The following PLA2R1 variants were observed in gnomAD, a reference collection of about 807,000 sequenced individuals.
The protein encoded by PLA2R1 is phospholipase A2 receptor 1.
In PLA2R1, 158 loss-of-function variants were observed where a neutral mutation model predicts 195.9. The observed-to-expected ratio is 0.81, with a 90% CI of 0.71 to 0.92. The LOEUF (loss-of-function observed/expected upper bound fraction) is 0.92. Ranked by LOEUF, PLA2R1 falls within the 40% of genes least tolerant of loss-of-function variation. The pLI is 0.00. For synonymous variants in PLA2R1, 586 were observed against 598.2 expected (o/e 0.98, Z 0.30); for missense variants, 1,626 against 1,764.6 (o/e 0.92, Z 1.41).
intron 11 of PLA2R1, 58 bp downstream of exon 11, chr2:160,005,594 G>C: frequency 1.4e-6 from 2 of 1,469,182 alleles, no homozygotes; most frequent in Middle Eastern, 1.9e-4. Context: ...CCAAGGGGTG[G>C]AAGGAATTTG....
At position 159,947,521 on chromosome 2, in the gene PLA2R1, T is replaced by C; in HGVS notation, c.3748A>G (p.Thr1250Ala). Residue 1250 changes from threonine to alanine, a missense_variant, in exon 26 of 30, where the codon ACA (threonine) becomes GCA (alanine). By Grantham distance (58) the Thr-to-Ala change is moderately conservative (BLOSUM62 0). Transcript: ENST00000283243. ...QSEHPELCSETSIPWIKFKSN... is the reference protein window; with the variant it reads ...QSEHPELCSEASIPWIKFKSN... The stretch of plus-strand genomic sequence containing the variant: ...TTAAATTTTATCCAGGGAATAGATG[T>C]TTCTGAGCACAACTCTGGGTGTTCA... 1.2e-6 allele frequency: 2 copies of C among 1,613,362 alleles called. No individual in the cohort carries two copies. Among genetic ancestry groups the C allele is most frequent in the Non-Finnish European group, 1.7e-6 (2 of 1,179,388 alleles).
chr2:160,044,924 A>T lies in PLA2R1; in HGVS notation c.343T>A (p.Trp115Arg). The T allele has an allele frequency of 1.2e-6, 2 of 1,614,172 alleles. No individual in the cohort carries two copies. Among genetic ancestry groups the T allele is most frequent in the Middle Eastern group, 3.3e-4 (2 of 6,062 alleles). Residue 115 changes from tryptophan (W) to arginine (R), a missense_variant, in exon 2 of 30, where the codon TGG (tryptophan) becomes AGG (arginine). Physicochemically the swap from Trp to Arg is moderately radical, Grantham distance 101. Transcript: ENST00000283243. ...ECDSTLVSLR[W>R]RCNRKMITGP... is the part of the protein sequence containing the mutation. ...GTGATCATCTTCCTGTTACAGCGCC[A>T]CCGTAAGGAAACGAGGGTGGAGTCA...
chr2:160,037,901 T>C (rs1446417355), intron 3 of PLA2R1, among the ~76,000 whole-genome samples: 3 of 152,224 alleles, frequency 2.0e-5, no homozygotes, highest in Non-Finnish European at 4.4e-5. Flanking sequence ...TTAATTTGGG[T>C]ATTATACTTG....
intron 6 of PLA2R1, among the ~76,000 whole-genome samples, chr2:160,023,969 A>G (rs1256564845): frequency 6.6e-6 from 1 of 151,220 alleles, no homozygotes; most frequent in African/African-American, 2.4e-5. Flanking sequence ...AGGAAGAGCA[A>G]GGGGACCCTA....
chr2:160,040,865 G>A (rs1694480243), intron 3 of PLA2R1, among the ~76,000 whole-genome samples: 1 of 152,204 alleles, frequency 6.6e-6, no homozygotes, highest in African/African-American at 2.4e-5. Context: ...GGCTGCAATG[G>A]TTAACCCTTG....
chr2:160,020,173 T>C lies in PLA2R1; in HGVS notation c.1385A>G (p.Asn462Ser), dbSNP rs1233130667. The change falls in exon 8 of 30, where the codon AAT becomes AGT. Residue 462 changes from asparagine (N) to serine (S), a missense_variant. Transcript: ENST00000283243. The stretch of plus-strand genomic sequence containing the variant: ...AATGTGGGGCTCAAGTGTGTGCCAA[T>C]TAGTAAAGATGACTGAAGAGTCATT... ...WSNDSSVIFTNWHTLEPHIFP... is the reference protein window; with the variant it reads ...WSNDSSVIFTSWHTLEPHIFP... The C allele has an allele frequency of 1.9e-6, 3 of 1,613,470 alleles. No homozygotes were observed. Among genetic ancestry groups the C allele is most frequent in the Non-Finnish European group, 2.5e-6 (3 of 1,179,432 alleles).
At chr2:160,022,459 A>G (rs1401700354) in intron 7 of PLA2R1, among the ~76,000 whole-genome samples, 1 of 152,226 alleles carries the variant, frequency 6.6e-6, no homozygotes, top group Non-Finnish European at 1.5e-5. Flanking sequence ...TATATGTGGC[A>G]TATATGAAGA....
At chr2:159,957,316 A>G (rs1263123760) in intron 20 of PLA2R1, among the ~76,000 whole-genome samples, 1 of 152,128 alleles carries the variant, frequency 6.6e-6, no homozygotes, top group African/African-American at 2.4e-5. Flanking sequence ...TATGCAAGAG[A>G]GAATCATGTC....
At chr2:159,926,887 C>A in the PLA2R1 span, among the ~76,000 whole-genome samples, 11 of 152,204 alleles carry the variant, frequency 7.2e-5, no homozygotes, top group African/African-American at 2.6e-4. Context: ...AGCAGGTGAC[C>A]AGCACTGCGT....
intron 1 of PLA2R1, among the ~76,000 whole-genome samples, chr2:160,049,848 CAAAT>C (rs1695113043): frequency 6.6e-6 from 1 of 151,902 alleles, no homozygotes; most frequent in African/African-American, 2.4e-5. Flanking sequence ...CAAAAAACAA[CAAAT>C]AAATAAAATA....
chr2:160,047,072 C>T (rs1196053980), intron 1 of PLA2R1, among the ~76,000 whole-genome samples: 2 of 152,160 alleles, frequency 1.3e-5, no homozygotes, highest in Admixed American at 6.5e-5. Context: ...GTATTATAAG[C>T]TCTGCAACGT....
chr2:159,988,841 G>A (rs978569671), intron 11 of PLA2R1, among the ~76,000 whole-genome samples: 1 of 152,206 alleles, frequency 6.6e-6, no homozygotes, highest in African/African-American at 2.4e-5. Flanking sequence ...AAAATGAAGA[G>A]TGCAAAGGAG....
At chr2:159,949,833 A>G in intron 24 of PLA2R1, 57 bp from the exon 25 acceptor site, 1 of 1,402,218 alleles carries the variant, frequency 7.1e-7, no homozygotes, top group South Asian at 1.2e-5. Context: ...AGCATCACCC[A>G]GTGTTATCTG....
chr2:160,054,201 C>T (rs1912701), intron 1 of PLA2R1, among the ~76,000 whole-genome samples: 15,147 of 152,034 alleles, frequency 0.1, 2,134 homozygotes, highest in African/African-American at 0.31. Flanking sequence ...TTTGGGAGGC[C>T]GGGGCTGGAG....
At chr2:160,013,709 C>CTGTGTG (rs1558927335) in intron 9 of PLA2R1, among the ~76,000 whole-genome samples, 211 of 67,526 alleles carry the variant, frequency 3.1e-3, no homozygotes, top group African/African-American at 0.01. Flanking sequence ...CTCTGTCTCT[C>CTGTGTG]TCTCTCTCTC....
chr2:159,964,699 C>CT (rs1472595197), intron 20 of PLA2R1, among the ~76,000 whole-genome samples: 2 of 149,998 alleles, frequency 1.3e-5, no homozygotes, highest in Non-Finnish European at 2.9e-5. Flanking sequence ...GACATGGCAA[C>CT]CCTTTTTTTT....
chr2:160,015,163 C>T (rs1048571529), intron 9 of PLA2R1, among the ~76,000 whole-genome samples: 1 of 152,128 alleles, frequency 6.6e-6, no homozygotes, highest in Non-Finnish European at 1.5e-5. Flanking sequence ...ACACTAGGTG[C>T]CATTTCATTT....
chr2:159,986,483 C>T (rs940891400), intron 12 of PLA2R1, among the ~76,000 whole-genome samples: 7 of 152,074 alleles, frequency 4.6e-5, no homozygotes, highest in Admixed American at 1.3e-4. Flanking sequence ...TAGGAACTTA[C>T]GCAGAAACTG....
In PLA2R1 at chr2:160,005,831, G is replaced by T; in HGVS notation, c.1665-10C>A. 6.3e-7 allele frequency: 1 copy of T among 1,589,422 alleles called. No individual in the cohort carries two copies. The highest frequency in any genetic ancestry group is 8.6e-7 in the Non-Finnish European group (1 of 1,162,772). ...AAAAGCCTGTTCAAACCTTAAAAGG[G>T]GAAAAAAGAAGTGGTTACATTAAGT... is the stretch of plus-strand genomic sequence containing the variant. On this transcript the variant is annotated splice_polypyrimidine_tract_variant and intron_variant, in intron 10 of 29. Transcript: ENST00000283243.
Sources: gnomAD v4.1 joint callset for allele counts (sites outside exome capture counted in the v4.1 genomes callset) on GRCh38, gnomAD v4.1.1 for gene constraint, MANE v1.5 for transcripts, NCBI Gene and HGNC (gene_info 2026-07-23, HGNC 2026-07-21) for gene names.